Variants in ZNF333 observed in about 807,000 individuals in gnomAD.
ZNF333 encodes the protein zinc finger protein 333.
A neutral mutation model predicts 76.1 loss-of-function variants in ZNF333; 61 were observed. The ratio of observed to expected loss-of-function variants is 0.80; its 90% CI spans 0.65 to 0.99. ZNF333 has a LOEUF of 0.99. Among genes scored for constraint, ZNF333 ranks in the 50% least tolerant of loss-of-function variants. The pLI is 0.00. For synonymous variants in ZNF333, 284 were observed against 305.0 expected, an observed-to-expected ratio of 0.93 and a Z score of 0.72; for missense variants, 717 against 822.4, an observed-to-expected ratio of 0.87 and a Z score of 1.57.
exon 12 of ZNF333, chr19:14,731,247 C>G (rs1599768014): frequency 1.4e-6 from 2 of 1,471,390 alleles, no homozygotes; most frequent in East Asian, 2.5e-5. Context: ...AATCCAACCT[C>G]TGGATATCAA....
At chr19:14,690,863 C>T (rs1050231149) in intron 1 of ZNF333, among the ~76,000 whole-genome samples, 1 of 152,118 alleles carries the variant, frequency 6.6e-6, no homozygotes, top group African/African-American at 2.4e-5. Flanking sequence ...GAGGCCGAGG[C>T]GGGTGGATCA....
chr19:14,698,544 CAAAAAT>C (rs1419626663), intron 4 of ZNF333, among the ~76,000 whole-genome samples: 1 of 150,262 alleles, frequency 6.7e-6, no homozygotes, highest in African/African-American at 2.4e-5. Context: ...GACCCTATCT[CAAAAAT>C]AAAAAGTAAA....
At chr19:14,716,876 T>C (rs1031522697) in intron 9 of ZNF333, 118 bp from the exon 10 acceptor site, 8 of 827,120 alleles carry the variant, frequency 9.7e-6, no homozygotes, top group Non-Finnish European at 1.5e-5. Flanking sequence ...CATCAGAATT[T>C]AGGCACATGC....
chr19:14,700,996 A>G (rs1365592291), intron 5 of ZNF333, among the ~76,000 whole-genome samples: 3 of 152,044 alleles, frequency 2.0e-5, no homozygotes, highest in African/African-American at 7.2e-5. Flanking sequence ...AAAACTCACA[A>G]CCTGCCTGGC....
chr19:14,731,220 C>G, exon 12 of ZNF333: 1 of 1,530,838 alleles, frequency 6.5e-7, no homozygotes, highest in Non-Finnish European at 8.8e-7. Flanking sequence ...TACTCTCTTG[C>G]ATGTTCAGAT....
chr19:14,691,534 AAAGAATATAT>A lies in ZNF333; in HGVS notation c.-42+1385_-42+1394del, dbSNP rs375207276. Among the ~76,000 whole-genome samples the A allele has an allele frequency of 3.1e-4, 47 of 152,324 alleles. No homozygotes were observed. In the South Asian group the frequency reaches 6.2e-3, roughly 20 times the overall value. The stretch of plus-strand genomic sequence containing the variant: ...TTACGAGTGAGGTGTTTGTTTCCAC[AAAGAATATAT>A]GCGCTTGCCTTGCCTTTTTAAAAAG... On this transcript the variant is annotated intron_variant, in intron 1 of 11. Transcript: ENST00000292530.
chr19:14,695,550 C>CT lies in ZNF333; in HGVS notation c.128-13dup, dbSNP rs1029258087. 2.7e-5 allele frequency: 44 copies of CT among 1,613,428 alleles called. No individual in the cohort carries two copies. Among genetic ancestry groups the CT allele is most frequent in the Non-Finnish European group, 3.6e-5 (43 of 1,179,380 alleles). On this transcript the variant is annotated splice_polypyrimidine_tract_variant and intron_variant, in intron 3 of 11. Coordinates refer to ENST00000292530, the MANE Select transcript of ZNF333 (RefSeq NM_032433.4). ...GCCCTCTCTCTCTCAGTGCCTGTGTCTTTCTTCATGTGCAGGAACTCCACC... is the reference window on the plus strand; with the variant it reads ...GCCCTCTCTCTCTCAGTGCCTGTGTCTTTTCTTCATGTGCAGGAACTCCACC...
chr19:14,728,663 A>C (rs935467747), intron 11 of ZNF333, among the ~76,000 whole-genome samples: 1 of 152,204 alleles, frequency 6.6e-6, no homozygotes, highest in Non-Finnish European at 1.5e-5. Flanking sequence ...GGATGAAGAA[A>C]ATGGCAAAAA....
At chr19:14,710,816 T>C (rs1168018395) in intron 7 of ZNF333, among the ~76,000 whole-genome samples, 1 of 151,906 alleles carries the variant, frequency 6.6e-6, no homozygotes, top group African/African-American at 2.4e-5. Context: ...ATAAAAGAAG[T>C]GTATCTGACT....
intron 5 of ZNF333, among the ~76,000 whole-genome samples, chr19:14,703,503 G>A (rs372978019): frequency 3.3e-4 from 50 of 152,316 alleles, no homozygotes; most frequent in Non-Finnish European, 5.0e-4. Context: ...AAATGTACCC[G>A]TGGGATTTTG....
exon 12 of ZNF333, chr19:14,732,412 A>G (rs2042679549): frequency 6.6e-6 from 1 of 152,186 alleles, no homozygotes; most frequent in Admixed American, 6.5e-5. Context: ...GACTTGCTTT[A>G]TTGCAATATT....
In ZNF333 at chr19:14,694,148, C is replaced by G. The variant is rs560615147; in HGVS notation, c.3+654C>G. ...TCAGAGAGTGATGTCTGTTGGACAG[C>G]ACTGCTCTGAAGAATTCTGCAATTA... On this transcript the variant is annotated intron_variant, in intron 2 of 11. Transcript: ENST00000292530. Among the ~76,000 whole-genome samples the G allele has an allele frequency of 3.9e-5, 6 of 152,238 alleles. No individual in the cohort carries two copies. In the South Asian group the frequency reaches 1.2e-3, roughly 32 times the overall value.
intron 5 of ZNF333, among the ~76,000 whole-genome samples, chr19:14,699,890 C>T (rs982748833): frequency 3.3e-5 from 5 of 152,216 alleles, no homozygotes; most frequent in Non-Finnish European, 5.9e-5. Flanking sequence ...ACACACTCGA[C>T]GAACTCCAGC....
At chr19:14,694,944 T>TA in intron 2 of ZNF333, 66 bp from the exon 3 acceptor site, 1 of 1,601,746 alleles carries the variant, frequency 6.2e-7, no homozygotes. Flanking sequence ...TCTCCAGTGA[T>TA]AACCAGTCGT....
Position 14,705,152 on chromosome 19 carries a change from T to C in ZNF333, c.405T>C (p.Pro135=), listed in dbSNP as rs755212647. ...REDRPALQEP[P]WSLGCTGLKA... ...ACCGGCCAGCTCTCCAGGAGCCGCC[T>C]TGGTCTCTGGGATGCACGGTAAGCC... The change falls in exon 6 of 12, where the codon CCT becomes CCC. Residue 135 remains proline (P), a synonymous_variant. Coordinates refer to ENST00000292530, the MANE Select transcript of ZNF333 (RefSeq NM_032433.4). 4 of 1,613,538 alleles carry C rather than the reference T, an allele frequency of 2.5e-6. No homozygotes were observed. Among genetic ancestry groups the C allele is most frequent in the Non-Finnish European group, 3.4e-6 (4 of 1,179,860 alleles).
In ZNF333 at chr19:14,716,132, T is replaced by C; in HGVS notation, c.621T>C (p.Asp207=). The change falls in exon 9 of 12, where the codon GAT becomes GAC. Residue 207 remains aspartate, a synonymous_variant. Transcript: ENST00000292530. ...TTTAGGAACCAGTCACCTTTGCAGA[T>C]GTGGCTGTGGTGTTCACCCCAGAAG... ...ACSQEPVTFA[D]VAVVFTPEEW... 2.5e-6 allele frequency: 4 copies of C among 1,614,114 alleles called. No homozygotes were observed. Among genetic ancestry groups the C allele is most frequent in the Non-Finnish European group, 2.5e-6 (3 of 1,180,000 alleles).
At position 14,719,281 on chromosome 19, in the gene ZNF333, C is replaced by A; in HGVS notation, c.1954C>A (p.Pro652Thr). ...AGAGACCATTAGGAATGGCAGCCTGCCTTTATCCATGTCTCATCCATACTG... is the reference window on the plus strand; with the variant it reads ...AGAGACCATTAGGAATGGCAGCCTGACTTTATCCATGTCTCATCCATACTG... ...GRETIRNGSL[P>T]LSMSHPYCGP... Residue 652 changes from proline to threonine, a missense_variant, in exon 12 of 12, where the codon CCT becomes ACT. Pro to Thr is a conservative substitution (Grantham distance 38). Coordinates refer to ENST00000292530, the MANE Select transcript of ZNF333 (RefSeq NM_032433.4). The A allele has an allele frequency of 1.2e-6, 2 of 1,613,998 alleles. No homozygotes were observed. The highest frequency in any genetic ancestry group is 1.7e-6 in the Non-Finnish European group (2 of 1,179,940).
chr19:14,722,101 C>A (rs552389071), downstream of ZNF333, among the ~76,000 whole-genome samples: 13 of 152,286 alleles, frequency 8.5e-5, no homozygotes, highest in African/African-American at 3.1e-4. Context: ...GGTACTGTCA[C>A]GCAAATTAAT....
chr19:14,722,304 T>G (rs1384401875), downstream of ZNF333, among the ~76,000 whole-genome samples: 6 of 152,242 alleles, frequency 3.9e-5, no homozygotes, highest in Admixed American at 3.9e-4. Flanking sequence ...AAGACGAGCT[T>G]GGTCATGTGA....
Sources: gnomAD v4.1 joint callset for allele counts (sites outside exome capture counted in the v4.1 genomes callset) on GRCh38, gnomAD v4.1.1 for gene constraint, MANE v1.5 for transcripts, NCBI Gene and HGNC (gene_info 2026-07-23, HGNC 2026-07-21) for gene names.